OOEP: variants seen among roughly 807,000 people sequenced by gnomAD.
OOEP encodes the protein oocyte expressed protein.
A neutral mutation model predicts 13.7 loss-of-function variants in OOEP; 16 were observed. The ratio of observed to expected loss-of-function variants is 1.16; its 90% CI spans 0.79 to 1.77. The LOEUF (loss-of-function observed/expected upper bound fraction) is 1.77. OOEP is among the 40% of genes most tolerant of loss of function. The probability of loss-of-function intolerance (pLI) is 0.00; values close to 1 mark genes in which losing one functional copy is unlikely to be tolerated. For missense variants in OOEP, 195 were observed against 193.1 expected, an observed-to-expected ratio of 1.01 and a Z score of -0.06; for synonymous variants, 89 against 77.1, an observed-to-expected ratio of 1.15 and a Z score of -0.81.
At chr6:73,374,048 G>C (rs575108495), upstream of OOEP, among the ~76,000 whole-genome samples, 1 of 151,950 alleles carries the variant, frequency 6.6e-6, no homozygotes, top group Non-Finnish European at 1.5e-5. Flanking sequence ...ATAATTAGCT[G>C]GTTGTGGTGA....
At chr6:73,384,732 A>G (rs866971998) in intron 2 of OOEP, among the ~76,000 whole-genome samples, 10 of 151,700 alleles carry the variant, frequency 6.6e-5, no homozygotes, top group South Asian at 4.2e-4. Flanking sequence ...CAACAAGACA[A>G]ACAAACCTTT....
At chr6:73,378,873 A>G (rs543346971) in intron 2 of OOEP, among the ~76,000 whole-genome samples, 73 of 152,122 alleles carry the variant, frequency 4.8e-4, no homozygotes, top group African/African-American at 1.6e-3. Context: ...GTCTCCAGAA[A>G]AAAAAAAAAA....
chr6:73,392,043 G>C (rs1366197757), intron 2 of OOEP, among the ~76,000 whole-genome samples: 4 of 152,166 alleles, frequency 2.6e-5, no homozygotes. Context: ...TGGCCTCATA[G>C]AATGAGTTAG....
chr6:73,370,347 A>C (rs971268765), upstream of OOEP, among the ~76,000 whole-genome samples: 38 of 152,326 alleles, frequency 2.5e-4, no homozygotes, highest in African/African-American at 8.4e-4. Context: ...GTCATGTTTT[A>C]AACAACACGT....
chr6:73,390,019 T>C (rs1296615018), intron 2 of OOEP, among the ~76,000 whole-genome samples: 1 of 152,066 alleles, frequency 6.6e-6, no homozygotes, highest in East Asian at 1.9e-4. Flanking sequence ...CGGTCTCTAC[T>C]GAAACTACAA....
intron 2 of OOEP, among the ~76,000 whole-genome samples, chr6:73,390,851 C>G (rs1474967866): frequency 6.6e-6 from 1 of 151,384 alleles, no homozygotes; most frequent in East Asian, 1.9e-4. Context: ...ATCTGCCTGC[C>G]TTGGCCTCCC....
rs189355507 is a variant in OOEP at position 73,369,684 on chromosome 6, G to A, written c.109C>T (p.Arg37Trp). 6.2e-6 allele frequency: 10 copies of A among 1,614,030 alleles called. No homozygotes were observed. In the East Asian group the frequency reaches 1.1e-4, roughly 18 times the overall value. The change falls in exon 1 of 3, where the codon CGG becomes TGG. Residue 37 changes from arginine (R) to tryptophan (W), a missense_variant. Coordinates refer to ENST00000370359, the MANE Select transcript of OOEP (RefSeq NM_001080507.3). Reference sequence around the variant, plus strand: ...TCCTGCACCGGAAACCACCAGGGCCGGATGCGAATCTGTGGCGGCGGAAGT... The same window carrying A: ...TCCTGCACCGGAAACCACCAGGGCCAGATGCGAATCTGTGGCGGCGGAAGT... ...LPLPPPQIRI[R>W]PWWFPVQELR...
chr6:73,388,691 C>A (rs1769306617), intron 2 of OOEP, among the ~76,000 whole-genome samples: 1 of 152,148 alleles, frequency 6.6e-6, no homozygotes, highest in Non-Finnish European at 1.5e-5. Flanking sequence ...GTTTCTTCAT[C>A]GTGAAATGGG....
intron 2 of OOEP, among the ~76,000 whole-genome samples, chr6:73,390,491 C>T (rs927349399): frequency 6.6e-6 from 1 of 152,096 alleles, no homozygotes; most frequent in East Asian, 1.9e-4. Flanking sequence ...ACCTGTAATA[C>T]CTAATACTAG....
In OOEP at chr6:73,369,788, A is replaced by G. The variant is rs200373706; in HGVS notation, c.5T>C (p.Val2Ala). 1.1e-5 allele frequency: 18 copies of G among 1,612,348 alleles called. No individual in the cohort carries two copies. In the Admixed American group the frequency reaches 1.2e-4, roughly 10 times the overall value. The change falls in exon 1 of 3, where the codon GTC becomes GCC. Residue 2 changes from valine to alanine, a missense_variant. Coordinates refer to ENST00000370359, the MANE Select transcript of OOEP (RefSeq NM_001080507.3). The part of the protein sequence containing the change: M[V>A]DDAGAAESQR... ...GGACTCAGCGGCACCAGCATCATCG[A>G]CCATACTGGGACCAGCAGCCGCGGA...
At chr6:73,376,473 T>TTTTATTTA (rs57494717) in intron 2 of OOEP, among the ~76,000 whole-genome samples, 32,993 of 148,838 alleles carry the variant, frequency 0.22, 4,319 homozygotes, top group Non-Finnish European at 0.29. Flanking sequence ...CGAAACATGA[T>TTTTATTTA]TTTATTTATT....
chr6:73,376,999 T>A (rs113599958), intron 2 of OOEP, among the ~76,000 whole-genome samples: 5 of 152,302 alleles, frequency 3.3e-5, no homozygotes, highest in South Asian at 4.1e-4. Flanking sequence ...TGTAAAAAAA[T>A]TTATTGTTGG....
chr6:73,371,178 T>G (rs1419221165), upstream of OOEP, among the ~76,000 whole-genome samples: 1 of 152,180 alleles, frequency 6.6e-6, no homozygotes, highest in East Asian at 1.9e-4. Flanking sequence ...GTGTGGAGGT[T>G]CCAGTTTTCT....
chr6:73,386,308 G>A (rs766455551), intron 2 of OOEP, among the ~76,000 whole-genome samples: 1 of 151,450 alleles, frequency 6.6e-6, no homozygotes, highest in Non-Finnish European at 1.5e-5. Flanking sequence ...TGATCAGGCT[G>A]TTCTCGAACT....
Position 73,393,608 on chromosome 6 carries a change from A to G in OOEP, c.25+738T>C, listed in dbSNP as rs553725508. On this transcript the variant is annotated intron_variant, in intron 2 of 3. Coordinates refer to the OOEP transcript ENST00000370363. Reference sequence around the variant, plus strand: ...GTAATCCCTCAACTGTGTGAGGCCAAGGCAGGAGGAGTTGGATACCAGCCC... The same window carrying G: ...GTAATCCCTCAACTGTGTGAGGCCAGGGCAGGAGGAGTTGGATACCAGCCC... Among the ~76,000 whole-genome samples, 18 of 152,284 alleles carry G rather than the reference A, an allele frequency of 1.2e-4. No individual in the cohort carries two copies. In the East Asian group the frequency reaches 3.5e-3, roughly 29 times the overall value.
At chr6:73,387,978 T>C (rs1316400283) in intron 2 of OOEP, among the ~76,000 whole-genome samples, 1 of 152,172 alleles carries the variant, frequency 6.6e-6, no homozygotes, top group Admixed American at 6.5e-5. Context: ...CCAGCGATTC[T>C]CATGCCTCAG....
At chr6:73,382,291 C>A in intron 2 of OOEP, among the ~76,000 whole-genome samples, 1 of 146,086 alleles carries the variant, frequency 6.8e-6, no homozygotes, top group East Asian at 2.1e-4. Flanking sequence ...GATCTCAGCT[C>A]ACCACAACCT....
intron 2 of OOEP, among the ~76,000 whole-genome samples, chr6:73,392,431 A>G (rs370514280): frequency 1.3e-5 from 2 of 151,716 alleles, no homozygotes; most frequent in Admixed American, 1.3e-4. Context: ...CAGCTTCTCA[A>G]GTAGCTGGGA....
intron 2 of OOEP, chr6:73,390,917 TAAAA>T (rs1369136934): frequency 2.6e-5 from 4 of 151,422 alleles, no homozygotes; most frequent in Non-Finnish European, 5.9e-5. Context: ...ATAATAATAA[TAAAA>T]ATAAATAAAT....
Sources: allele counts gnomAD v4.1 joint callset (sites outside exome capture counted in the v4.1 genomes callset), GRCh38; gene constraint gnomAD v4.1.1; transcripts MANE v1.5; gene names NCBI Gene and HGNC (gene_info 2026-07-23, HGNC 2026-07-21).